Variants in FNDC3B observed in about 807,000 individuals in gnomAD.
The protein encoded by FNDC3B is fibronectin type III domain-containing protein 3B.
FNDC3B carries 12 observed loss-of-function variants against 151.5 expected under a neutral mutation model. That is an observed-to-expected ratio of 0.08 (90% CI 0.05 to 0.13). The LOEUF (loss-of-function observed/expected upper bound fraction) is 0.13, where lower values mean the gene tolerates loss of function less well. FNDC3B is among the 10% of genes least tolerant of loss of function. FNDC3B has a pLI of 1.00. For synonymous variants in FNDC3B, 528 were observed against 549.0 expected (o/e 0.96, Z 0.54); for missense variants, 1,214 against 1,505.3 (o/e 0.81, Z 3.20).
At chr3:172,075,737 A>G in intron 1 of FNDC3B, among the ~76,000 whole-genome samples, 1 of 130,686 alleles carries the variant, frequency 7.7e-6, no homozygotes, top group South Asian at 2.4e-4. Flanking sequence ...ACACACACAC[A>G]CACACACACA....
intron 2 of FNDC3B, among the ~76,000 whole-genome samples, chr3:172,132,645 G>A (rs1721162897): frequency 6.6e-6 from 1 of 152,138 alleles, no homozygotes; most frequent in African/African-American, 2.4e-5. Flanking sequence ...TGATCCACCT[G>A]CCTCAGCCTC....
At chr3:172,168,119 TA>T (rs1723099078) in intron 3 of FNDC3B, among the ~76,000 whole-genome samples, 1 of 152,276 alleles carries the variant, frequency 6.6e-6, no homozygotes, top group Non-Finnish European at 1.5e-5. Context: ...AGTATGAGCA[TA>T]TAATAAATCT....
chr3:172,335,104 A>AT, intron 15 of FNDC3B, 22 bp downstream of exon 15: 1 of 1,486,658 alleles, frequency 6.7e-7, no homozygotes, highest in East Asian at 2.5e-5. Flanking sequence ...TGCTGCTGCT[A>AT]CTGTTTTTTT....
At chr3:172,110,596 A>G (rs182708079) in intron 1 of FNDC3B, among the ~76,000 whole-genome samples, 35 of 151,790 alleles carry the variant, frequency 2.3e-4, no homozygotes, top group African/African-American at 7.2e-4. Flanking sequence ...CTCACCTGTA[A>G]GATGTCAGAG....
chr3:172,384,995 A>G (rs1251012065), intron 25 of FNDC3B, among the ~76,000 whole-genome samples: 1 of 152,148 alleles, frequency 6.6e-6, no homozygotes, highest in Non-Finnish European at 1.5e-5. Flanking sequence ...TGCTTCCTGC[A>G]TTTACCAAGA....
chr3:172,379,289 G>A (rs1258548657), intron 24 of FNDC3B, among the ~76,000 whole-genome samples: 1 of 152,236 alleles, frequency 6.6e-6, no homozygotes, highest in Non-Finnish European at 1.5e-5. Flanking sequence ...AGCACAAGTG[G>A]CTTATCGAGC....
chr3:172,047,438 A>G (rs1246827808), intron 1 of FNDC3B, among the ~76,000 whole-genome samples: 1 of 152,232 alleles, frequency 6.6e-6, no homozygotes, highest in African/African-American at 2.4e-5. Flanking sequence ...TACTGTAAAT[A>G]TCAAGTTTAA....
At chr3:172,145,561 C>A (rs943954645) in intron 3 of FNDC3B, among the ~76,000 whole-genome samples, 1 of 152,174 alleles carries the variant, frequency 6.6e-6, no homozygotes, top group Non-Finnish European at 1.5e-5. Flanking sequence ...TATGCTAGAT[C>A]CAGCAATGTC....
At chr3:172,127,224 A>C (rs1181294944) in intron 2 of FNDC3B, among the ~76,000 whole-genome samples, 5 of 152,216 alleles carry the variant, frequency 3.3e-5, no homozygotes, top group Non-Finnish European at 5.9e-5. Flanking sequence ...GGAGGAACAC[A>C]TATTTCCTAG....
chr3:172,257,569 TACACACACAC>T (rs10582558), intron 6 of FNDC3B, among the ~76,000 whole-genome samples: 1,803 of 143,780 alleles, frequency 0.013, 35 homozygotes, highest in African/African-American at 0.035. Context: ...CACGCATTCA[TACACACACAC>T]ACACACACAC....
intron 1 of FNDC3B, among the ~76,000 whole-genome samples, chr3:172,105,265 A>G (rs1474910267): frequency 6.6e-6 from 1 of 152,188 alleles, no homozygotes; most frequent in Non-Finnish European, 1.5e-5. Flanking sequence ...ATGATTCCGT[A>G]TCAAATTTTA....
At chr3:172,368,271 T>TAA (rs140694988) in intron 23 of FNDC3B, among the ~76,000 whole-genome samples, 13 of 140,154 alleles carry the variant, frequency 9.3e-5, no homozygotes, top group African/African-American at 2.5e-4. Flanking sequence ...CCCAGACTCT[T>TAA]AAAAAAAAAA....
chr3:172,112,283 C>T (rs144747451), intron 1 of FNDC3B, among the ~76,000 whole-genome samples, 169 bp from the exon 2 acceptor site: 161 of 152,304 alleles, frequency 1.1e-3, no homozygotes, highest in Middle Eastern at 3.4e-3. Context: ...AGGCTATTTC[C>T]GTGCCTTTGT....
chr3:172,334,165 G>T (rs1280804792), intron 14 of FNDC3B, among the ~76,000 whole-genome samples: 1 of 152,168 alleles, frequency 6.6e-6, no homozygotes, highest in Non-Finnish European at 1.5e-5. Flanking sequence ...ATTATCAAGT[G>T]CAGTGTGTGA....
chr3:172,273,638 C>T (rs1314379798), intron 6 of FNDC3B, among the ~76,000 whole-genome samples: 1 of 152,190 alleles, frequency 6.6e-6, no homozygotes, highest in East Asian at 1.9e-4. Context: ...AAATTAGGAA[C>T]TTTTGTCTAC....
chr3:172,054,548 C>T (rs1326436906), intron 1 of FNDC3B, among the ~76,000 whole-genome samples: 1 of 152,192 alleles, frequency 6.6e-6, no homozygotes, highest in Non-Finnish European at 1.5e-5. Flanking sequence ...GGCTGTATTG[C>T]CTAAAAACCG....
At chr3:172,115,703 A>G (rs1332851826) in intron 2 of FNDC3B, among the ~76,000 whole-genome samples, 1 of 152,154 alleles carries the variant, frequency 6.6e-6, no homozygotes, top group Non-Finnish European at 1.5e-5. Flanking sequence ...CGGCGGTGGC[A>G]TCCTAAGGTA....
At chr3:172,059,170 G>A (rs1717062738) in intron 1 of FNDC3B, among the ~76,000 whole-genome samples, 1 of 152,070 alleles carries the variant, frequency 6.6e-6, no homozygotes, top group African/African-American at 2.4e-5. Context: ...TAACTTATAT[G>A]TGTGTTTTGT....
chr3:172,156,168 C>T (rs530133925), intron 3 of FNDC3B, among the ~76,000 whole-genome samples: 1 of 152,252 alleles, frequency 6.6e-6, no homozygotes, highest in South Asian at 2.1e-4. Flanking sequence ...AACTTCAGAG[C>T]CCTCACAAAG....
Sources: gnomAD v4.1 joint callset for allele counts (sites outside exome capture counted in the v4.1 genomes callset) on GRCh38, gnomAD v4.1.1 for gene constraint, MANE v1.5 for transcripts, NCBI Gene and HGNC (gene_info 2026-07-23, HGNC 2026-07-21) for gene names.